The following ALPK2 variants were observed in gnomAD, a reference collection of about 807,000 sequenced individuals.
The protein encoded by ALPK2 is alpha kinase 2, also known as alpha-protein kinase 2.
A neutral mutation model predicts 163.1 loss-of-function variants in ALPK2; 127 were observed. The observed-to-expected ratio is 0.78, with a 90% CI of 0.67 to 0.90. The LOEUF (loss-of-function observed/expected upper bound fraction) is 0.90. Among genes scored for constraint, ALPK2 ranks in the 40% least tolerant of loss-of-function variants. The pLI, the probability that ALPK2 is intolerant of heterozygous loss-of-function variation, is 0.00. For synonymous variants in ALPK2, 953 were observed against 959.1 expected, an observed-to-expected ratio of 0.99 and a Z score of 0.12; for missense variants, 2,360 against 2,589.6, an observed-to-expected ratio of 0.91 and a Z score of 1.92.
intron 4 of ALPK2, chr18:58,538,457 C>T (rs375077593): frequency 2.5e-5 from 12 of 475,860 alleles, no homozygotes; most frequent in East Asian, 2.0e-4. Context: ...TCATTATAAG[C>T]AAAAAGCCTC....
chr18:58,494,392 A>G (rs2051391159), intron 12 of ALPK2, among the ~76,000 whole-genome samples: 1 of 152,194 alleles, frequency 6.6e-6, no homozygotes, highest in Admixed American at 6.5e-5. Flanking sequence ...ACAATGAAGT[A>G]AAGTTGAATT....
intron 9 of ALPK2, 41 bp from the exon 10 acceptor site, chr18:58,515,122 G>A (rs747307483): frequency 2.0e-5 from 30 of 1,491,462 alleles, no homozygotes; most frequent in Non-Finnish European, 2.8e-5. Flanking sequence ...GTGACTACAG[G>A]AAATTCAGAC....
chr18:58,610,024 G>T (rs948469415), intron 2 of ALPK2, among the ~76,000 whole-genome samples: 4 of 152,088 alleles, frequency 2.6e-5, no homozygotes, highest in Non-Finnish European at 4.4e-5. Context: ...AAAGGCAGCC[G>T]TTTCTGAGGC....
At chr18:58,556,444 A>G (rs2051791939) in intron 4 of ALPK2, among the ~76,000 whole-genome samples, 1 of 152,236 alleles carries the variant, frequency 6.6e-6, no homozygotes, top group Non-Finnish European at 1.5e-5. Flanking sequence ...CCTGGCTGAC[A>G]GGCTTTATCT....
Position 58,535,954 on chromosome 18 carries a change from C to T in ALPK2, c.4233G>A (p.Val1411=), listed in dbSNP as rs969583406. 2 of 1,614,226 alleles carry T rather than the reference C, an allele frequency of 1.2e-6. No individual in the cohort carries two copies. Among genetic ancestry groups the T allele is most frequent in the Non-Finnish European group, 1.7e-6 (2 of 1,180,034 alleles). Residue 1411 remains valine (V), a synonymous_variant, in exon 5 of 13, where the codon GTG becomes GTA. Transcript: ENST00000361673. ...GTTTTCCAGCCCTGGTGTACTCTAT[C>T]ACACTTATCTCATCAATGGGATCTA... ...SSVDPIDEIS[V]IEYTRAGKPE...
At chr18:58,608,069 C>T (rs1201364286) in intron 2 of ALPK2, among the ~76,000 whole-genome samples, 1 of 152,180 alleles carries the variant, frequency 6.6e-6, no homozygotes, top group African/African-American at 2.4e-5. Context: ...GGTTTCTTCT[C>T]TAATTAATTA....
intron 12 of ALPK2, among the ~76,000 whole-genome samples, chr18:58,491,825 T>A (rs1212826443): frequency 6.6e-6 from 1 of 152,234 alleles, no homozygotes. Flanking sequence ...TACAGGAGCC[T>A]CTGCAGGGCC....
At chr18:58,502,181 A>ACACAC (rs1568067744) in intron 11 of ALPK2, among the ~76,000 whole-genome samples, 4 of 112,408 alleles carry the variant, frequency 3.6e-5, no homozygotes, top group African/African-American at 1.4e-4. Flanking sequence ...CACACACACA[A>ACACAC]AGAAAAAAAA....
chr18:58,587,890 A>G (rs1239373928), intron 3 of ALPK2, among the ~76,000 whole-genome samples: 2 of 152,238 alleles, frequency 1.3e-5, no homozygotes, highest in Non-Finnish European at 2.9e-5. Context: ...TTTGGATTTT[A>G]TCACTGGCAA....
intron 3 of ALPK2, among the ~76,000 whole-genome samples, chr18:58,605,913 T>A (rs1473797019): frequency 6.6e-6 from 1 of 152,204 alleles, no homozygotes; most frequent in Non-Finnish European, 1.5e-5. Flanking sequence ...CCTCCATCTC[T>A]AGCGTTAAGC....
chr18:58,555,496 A>T (rs2051785686), intron 4 of ALPK2, among the ~76,000 whole-genome samples: 1 of 152,230 alleles, frequency 6.6e-6, no homozygotes, highest in Non-Finnish European at 1.5e-5. Context: ...AGCTGTCCGA[A>T]GGGAAAGAAT....
At chr18:58,565,778 T>C (rs1041207717) in intron 4 of ALPK2, among the ~76,000 whole-genome samples, 1 of 148,810 alleles carries the variant, frequency 6.7e-6, no homozygotes, top group African/African-American at 2.6e-5. Context: ...TTCCTTTCTT[T>C]CTTTCTTTCT....
At chr18:58,583,500 A>G (rs999942948) in intron 3 of ALPK2, among the ~76,000 whole-genome samples, 1 of 152,146 alleles carries the variant, frequency 6.6e-6, no homozygotes, top group African/African-American at 2.4e-5. Context: ...TTTGGCCTCC[A>G]TTAAGCACTG....
At chr18:58,488,281 A>G (rs2051350657) in intron 12 of ALPK2, among the ~76,000 whole-genome samples, 1 of 148,696 alleles carries the variant, frequency 6.7e-6, no homozygotes, top group South Asian at 2.3e-4. Flanking sequence ...CCCTCACTCA[A>G]CAAAGATTTA....
At chr18:58,587,515 G>A (rs985744143) in intron 3 of ALPK2, among the ~76,000 whole-genome samples, 7 of 152,140 alleles carry the variant, frequency 4.6e-5, no homozygotes, top group Admixed American at 1.3e-4. Flanking sequence ...CTGAAAAAAA[G>A]TATGAGAATG....
intron 3 of ALPK2, among the ~76,000 whole-genome samples, chr18:58,594,446 T>C (rs2052031375): frequency 6.6e-6 from 1 of 152,142 alleles, no homozygotes; most frequent in Non-Finnish European, 1.5e-5. Context: ...TTAAGGAGCA[T>C]TGTGACAATA....
At chr18:58,573,329 T>C (rs1164212325) in intron 4 of ALPK2, among the ~76,000 whole-genome samples, 8 of 144,748 alleles carry the variant, frequency 5.5e-5, no homozygotes, top group African/African-American at 2.1e-4. Flanking sequence ...TATATATGTA[T>C]ATATGTGTAT....
At position 58,537,255 on chromosome 18, in the gene ALPK2, A is replaced by G. The variant is rs61741045; in HGVS notation, c.2932T>C (p.Tyr978His). ...CAAGGAAAACTCACAATTGAACTATAACTGGCTGGTGTGGCTGTGGTGTCT... is the reference window on the plus strand; with the variant it reads ...CAAGGAAAACTCACAATTGAACTATGACTGGCTGGTGTGGCTGTGGTGTCT... The part of the protein sequence containing the change: ...AADTTATPAS[Y>H]SSIVSFPWEK... The change falls in exon 5 of 13, where the codon TAT becomes CAT. Residue 978 changes from tyrosine (Y) to histidine (H), a missense_variant. Physicochemically the swap from Tyr to His is moderately conservative, Grantham distance 83. Transcript: ENST00000361673. The G allele has an allele frequency of 1.1e-3, 1,802 of 1,614,186 alleles. 24 individuals carry two copies. The African/African-American group carries it at 0.022, about 20-fold the overall frequency.
At chr18:58,489,980 C>T (rs2051364486) in intron 12 of ALPK2, among the ~76,000 whole-genome samples, 1 of 151,850 alleles carries the variant, frequency 6.6e-6, no homozygotes, top group African/African-American at 2.4e-5. Context: ...ACTCAGGAGG[C>T]TGAGGCAGGA....
Sources: allele counts gnomAD v4.1 joint callset (sites outside exome capture counted in the v4.1 genomes callset), GRCh38; gene constraint gnomAD v4.1.1; transcripts MANE v1.5; gene names NCBI Gene and HGNC (gene_info 2026-07-23, HGNC 2026-07-21).